MED13: variants seen among roughly 807,000 people sequenced by gnomAD.
MED13 encodes mediator of RNA polymerase II transcription subunit 13.
Under a neutral mutation model 225.2 loss-of-function variants are expected in MED13, and 23 were observed. That is an observed-to-expected ratio of 0.10 (90% CI 0.07 to 0.14). The LOEUF (loss-of-function observed/expected upper bound fraction) is 0.14, where lower values mean the gene tolerates loss of function less well. Ranked by LOEUF, MED13 falls within the 10% of genes least tolerant of loss-of-function variation. The pLI is 1.00. For missense variants in MED13, 2,197 were observed against 2,594.5 expected, an observed-to-expected ratio of 0.85 and a Z score of 3.33; for synonymous variants, 942 against 889.2, an observed-to-expected ratio of 1.06 and a Z score of -1.06.
rs150417026 is a variant in MED13, at chr17:61,982,226, T to C, written c.3777A>G (p.Ser1259=). ...TTCTTTTGGACCAGGGGTGTAAGCA[T>C]GAACTTTTCACAAGTGCTTCATCAA... ...GKVDEALVKS[S]CLHPWSKRND... The change falls in exon 16 of 30, where the codon TCA becomes TCG. Residue 1259 remains serine, a synonymous_variant. Coordinates refer to ENST00000397786, the MANE Select transcript of MED13 (RefSeq NM_005121.3). 8.1e-6 allele frequency: 13 copies of C among 1,613,990 alleles called. No homozygotes were observed. In the East Asian group the frequency reaches 1.8e-4, roughly 22 times the overall value.
chr17:62,052,985 G>A lies in MED13; in HGVS notation c.302-280C>T, dbSNP rs2080968960. Among the ~76,000 whole-genome samples, 3 of 152,150 alleles carry A rather than the reference G, an allele frequency of 2.0e-5. No individual in the cohort carries two copies. The South Asian group carries it at 6.2e-4, about 32-fold the overall frequency. On this transcript the variant is annotated intron_variant, in intron 2 of 29. Coordinates refer to ENST00000397786, the MANE Select transcript of MED13 (RefSeq NM_005121.3). Reference sequence around the variant, plus strand: ...TCATGAACATACTGAATTGGTTCCTGTATTAATGAAAAGGACACTTGTTTG... The same window carrying A: ...TCATGAACATACTGAATTGGTTCCTATATTAATGAAAAGGACACTTGTTTG...
intron 27 of MED13, among the ~76,000 whole-genome samples, chr17:61,952,202 T>G (rs1026342879): frequency 6.6e-6 from 1 of 152,254 alleles, no homozygotes; most frequent in African/African-American, 2.4e-5. Context: ...CCAGTATATA[T>G]AATTTCAAAT....
chr17:62,020,231 C>CT lies in MED13; in HGVS notation c.1284-8999dup, dbSNP rs202093070. ...TATTGCTTTTTACTTAGCAGCCTTT[C>CT]TTTTTTTTTTTATGAAGATTAAAGA... On this transcript the variant is annotated intron_variant, in intron 8 of 29. Transcript: ENST00000397786. Among the ~76,000 whole-genome samples the CT allele has an allele frequency of 6.4e-3, 940 of 146,364 alleles. 6 individuals are homozygous for CT. Among genetic ancestry groups the CT allele is most frequent in the African/African-American group, 0.017 (682 of 39,926 alleles).
Position 62,011,223 on chromosome 17 carries a change from G to C in MED13, c.1294C>G (p.Leu432Val). Residue 432 changes from leucine (L) to valine (V), a missense_variant, in exon 9 of 30, where the codon CTC becomes GTC. Around this residue, in one of 12 missense-constraint regions of MED13, gnomAD observed 884 missense variants for 918.5 expected, o/e 0.96. Transcript: ENST00000397786. ...TGTTGTCCAGCATTTCTTGACTTGA[G>C]ATTTTTGTGCCTGAAAAGTGAAAAT... ...TNCSCLRHKN[L>V]KSRNAGQQGQ... 1 of 1,604,162 alleles carries C rather than the reference G, an allele frequency of 6.2e-7. No individual in the cohort carries two copies. Among genetic ancestry groups the C allele is most frequent in the Non-Finnish European group, 8.5e-7 (1 of 1,176,062 alleles).
chr17:61,969,279 G>A (rs75594946), intron 17 of MED13, among the ~76,000 whole-genome samples: 24,375 of 152,024 alleles, frequency 0.16, 2,398 homozygotes, highest in East Asian at 0.5. Flanking sequence ...TTGAACCCAG[G>A]GGGTGGAGGT....
At chr17:61,967,897 A>ATTG (rs2080073019) in intron 18 of MED13, 138 bp downstream of exon 18, 2 of 672,520 alleles carry the variant, frequency 3.0e-6, no homozygotes, top group Non-Finnish European at 5.0e-6. Flanking sequence ...AAAGAATGTA[A>ATTG]CTGGCTAGTA....
chr17:61,995,115 C>A (rs907109805), intron 10 of MED13, 37 bp downstream of exon 10: 1 of 1,432,584 alleles, frequency 7.0e-7, no homozygotes, highest in South Asian at 1.2e-5. Flanking sequence ...GCTACAAAAT[C>A]AACAGTGACC....
At position 62,029,555 on chromosome 17, in the gene MED13, A is replaced by G. The variant is rs539045422; in HGVS notation, c.1269T>C (p.Asn423=). The G allele has an allele frequency of 2.7e-5, 43 of 1,613,740 alleles. 1 individual carries two copies. In the South Asian group the frequency reaches 4.0e-4, roughly 15 times the overall value. Residue 423 remains asparagine, a synonymous_variant, in exon 8 of 30, where the codon AAT becomes AAC. Transcript: ENST00000397786. ...WDFVEATQRT[N]CSCLRHKNLK... ...AAATAATCTACCTCAAACAACTGCAATTTGTTCTTTGTGTGGCTTCAACAA... is the reference window on the plus strand; with the variant it reads ...AAATAATCTACCTCAAACAACTGCAGTTTGTTCTTTGTGTGGCTTCAACAA...
In MED13 at chr17:61,968,053, A is replaced by G; in HGVS notation, c.4173T>C (p.Asp1391=). ...LLNGAKSFFR[D]LTAIYESCRL... is the part of the protein sequence containing the mutation. ...CACCTACCTCATATATTGCAGTAAG[A>G]TCTCTAAAAAAGCTTTTTGCTCCAT... Residue 1391 remains aspartate (D), a synonymous_variant, in exon 18 of 30, where the codon GAT becomes GAC. Coordinates refer to ENST00000397786, the MANE Select transcript of MED13 (RefSeq NM_005121.3). 6.2e-7 allele frequency: 1 copy of G among 1,611,642 alleles called. No individual in the cohort carries two copies. Among genetic ancestry groups the G allele is most frequent in the Non-Finnish European group, 8.5e-7 (1 of 1,177,856 alleles).
intron 19 of MED13, among the ~76,000 whole-genome samples, chr17:61,966,160 A>G (rs1223905869): frequency 6.6e-6 from 1 of 152,182 alleles, no homozygotes; most frequent in Non-Finnish European, 1.5e-5. Context: ...AAAACATCAG[A>G]CCCTACAGAG....
At chr17:62,051,630 T>C (rs916629046) in intron 3 of MED13, among the ~76,000 whole-genome samples, 32 of 146,232 alleles carry the variant, frequency 2.2e-4, no homozygotes, top group African/African-American at 6.4e-4. Context: ...ACTAAAAAGT[T>C]TGAAAAAACA....
chr17:61,946,291 A>C lies in MED13; in HGVS notation c.*177T>G. On this transcript the variant is annotated 3_prime_UTR_variant, in exon 30 of 30. Transcript: ENST00000397786. Reference sequence around the variant, plus strand: ...TCATCCTAAAGAGTTCAATAGAGTCAATGAAAAATAGCAGGGTTATAGCCC... The same window carrying C: ...TCATCCTAAAGAGTTCAATAGAGTCCATGAAAAATAGCAGGGTTATAGCCC... 1 of 654,188 alleles carries C rather than the reference A, an allele frequency of 1.5e-6. No homozygotes were observed. Among genetic ancestry groups the C allele is most frequent in the Non-Finnish European group, 2.5e-6 (1 of 397,640 alleles). The allele number at this position is 654,188 out of a possible 1,614,324, so 40.5% of individuals were successfully genotyped here.
At chr17:62,063,921 T>C (rs568378255) in intron 1 of MED13, among the ~76,000 whole-genome samples, 55 of 152,182 alleles carry the variant, frequency 3.6e-4, no homozygotes, top group Admixed American at 5.9e-4. Flanking sequence ...GTATGTCTTA[T>C]TACATGTGAA....
intron 26 of MED13, among the ~76,000 whole-genome samples, chr17:61,953,531 C>G (rs2079914812): frequency 6.6e-6 from 1 of 152,072 alleles, no homozygotes; most frequent in African/African-American, 2.4e-5. Context: ...CTGCTGGCAT[C>G]CAGGATAGAG....
At chr17:61,970,679 CAAAAAAAAAA>C (rs10600340) in intron 17 of MED13, among the ~76,000 whole-genome samples, 4 of 46,918 alleles carry the variant, frequency 8.5e-5, no homozygotes, top group Admixed American at 8.7e-4. Flanking sequence ...GAGACTGTCT[CAAAAAAAAAA>C]AAAAAAAAAA....
chr17:61,959,452 G>A (rs1262989510), intron 23 of MED13, among the ~76,000 whole-genome samples: 2 of 151,392 alleles, frequency 1.3e-5, no homozygotes, highest in African/African-American at 2.4e-5. Flanking sequence ...ATTCTTTCCC[G>A]AGTTCACTTA....
At position 61,962,680 on chromosome 17, in the gene MED13, G is replaced by C; in HGVS notation, c.5064+72C>G. ...AGATAATCAATTTGAATACAGAAAAGTAGTATCTGAAACTTCTGACAACAT... is the reference window on the plus strand; with the variant it reads ...AGATAATCAATTTGAATACAGAAAACTAGTATCTGAAACTTCTGACAACAT... On this transcript the variant is annotated intron_variant, in intron 21 of 29. Coordinates refer to ENST00000397786, the MANE Select transcript of MED13 (RefSeq NM_005121.3). 3 of 1,309,952 alleles carry C rather than the reference G, an allele frequency of 2.3e-6. No homozygotes were observed. The South Asian group carries it at 3.7e-5, about 16-fold the overall frequency. The allele number at this position is 1,309,952 out of a possible 1,614,324, so 81.1% of individuals were successfully genotyped here.
intron 1 of MED13, 66 bp downstream of exon 1, chr17:62,065,074 C>T: frequency 7.1e-7 from 1 of 1,409,094 alleles, no homozygotes. Context: ...CCGGCCCCCT[C>T]CCCCACGGCC....
intron 5 of MED13, chr17:62,032,228 C>CT (rs955489056): frequency 7.3e-5 from 11 of 151,572 alleles, no homozygotes; most frequent in African/African-American, 2.7e-4. Context: ...AATCCTAGCA[C>CT]TTTGGGAGGC....
Sources: gnomAD v4.1 joint callset for allele counts (sites outside exome capture counted in the v4.1 genomes callset) on GRCh38, gnomAD v4.1.1 for gene constraint, gnomAD v4.1.1 regional missense constraint, MANE v1.5 for transcripts, NCBI Gene and HGNC (gene_info 2026-07-23, HGNC 2026-07-21) for gene names.